The following HDGFL2 variants were observed in gnomAD, a reference collection of about 807,000 sequenced individuals.
HDGFL2 encodes the protein hepatoma-derived growth factor-related protein 2.
In HDGFL2, 36 loss-of-function variants were observed where a neutral mutation model predicts 77.1. The observed-to-expected ratio is 0.47, with a 90% CI of 0.36 to 0.62. HDGFL2 has a LOEUF of 0.62. Among genes scored for constraint, HDGFL2 ranks in the 20% least tolerant of loss-of-function variants. The pLI is 0.00. For synonymous variants in HDGFL2, 463 were observed against 413.1 expected (o/e 1.12, Z -1.46); for missense variants, 976 against 973.4 (o/e 1.00, Z -0.04).
intron 1 of HDGFL2, 158 bp from the exon 2 acceptor site, chr19:4,475,117 A>G (rs920327994): frequency 1.5e-6 from 1 of 650,280 alleles, no homozygotes; most frequent in Non-Finnish European, 2.7e-6. Context: ...TGAAGGGTAC[A>G]CAGAAGAATG....
chr19:4,474,350 G>T (rs540372392), intron 1 of HDGFL2, among the ~76,000 whole-genome samples: 78 of 152,296 alleles, frequency 5.1e-4, no homozygotes, highest in African/African-American at 1.9e-3. Context: ...GAGGCATGCC[G>T]GGCTGGTCCT....
At chr19:4,491,342 A>C (rs1423812864) in intron 4 of HDGFL2, among the ~76,000 whole-genome samples, 1 of 142,862 alleles carries the variant, frequency 7.0e-6, no homozygotes, top group Admixed American at 7.3e-5. Flanking sequence ...TGATGGCCCT[A>C]GGGACCTCCT....
At position 4,488,771 on chromosome 19, in the gene HDGFL2, C is replaced by T. The variant is rs763627595; in HGVS notation, c.384C>T (p.Val128=). The change falls in exon 4 of 16, where the codon GTC becomes GTT. Residue 128 remains valine, a synonymous_variant. Coordinates refer to ENST00000616600, the MANE Select transcript of HDGFL2 (RefSeq NM_001001520.3). ...ATGAGGACCGGGGGGTCATGGCCGT[C>T]ACAGCGGTAACCGCCACAGCTGCCA... ...EDDEDRGVMA[V]TAVTATAASD... The T allele has an allele frequency of 6.4e-7, 1 of 1,552,400 alleles. No individual in the cohort carries two copies. The highest frequency in any genetic ancestry group is 2.0e-5 in the Admixed American group (1 of 51,124).
intron 9 of HDGFL2, among the ~76,000 whole-genome samples, chr19:4,495,841 C>T (rs994818993): frequency 4.6e-5 from 7 of 152,148 alleles, no homozygotes; most frequent in Non-Finnish European, 8.8e-5. Context: ...GGCCCTGTCA[C>T]GCCCTCTACC....
At chr19:4,482,082 G>A (rs969459433) in intron 3 of HDGFL2, among the ~76,000 whole-genome samples, 2 of 139,608 alleles carry the variant, frequency 1.4e-5, no homozygotes, top group African/African-American at 2.7e-5. Context: ...GCCGAGGCTG[G>A]AGTGCAGTGG....
chr19:4,496,374 A>G lies in HDGFL2; in HGVS notation c.1297A>G (p.Arg433Gly). ...CAGGAAACCTGGCCAGAAGGAGAAG[A>G]GAGTGCGGCCCGAGGAGAAGCAACA... ...PARKPGQKEK[R>G]VRPEEKQQAK... The change falls in exon 10 of 16, where the codon AGA (arginine) becomes GGA (glycine). Residue 433 changes from arginine (R) to glycine (G), a missense_variant. Physicochemically the swap from Arg to Gly is moderately radical, Grantham distance 125. Coordinates refer to ENST00000616600, the MANE Select transcript of HDGFL2 (RefSeq NM_001001520.3). The G allele has an allele frequency of 1.9e-6, 3 of 1,614,016 alleles. No homozygotes were observed. In the Middle Eastern group the frequency reaches 5.0e-4, roughly 267 times the overall value.
intron 6 of HDGFL2, among the ~76,000 whole-genome samples, chr19:4,492,166 T>C (rs1975532560): frequency 6.6e-6 from 1 of 152,046 alleles, no homozygotes; most frequent in African/African-American, 2.4e-5. Context: ...TGTGCCAGTG[T>C]GTATATGAGC....
chr19:4,486,538 A>G (rs944839818), intron 3 of HDGFL2, among the ~76,000 whole-genome samples: 18 of 151,768 alleles, frequency 1.2e-4, no homozygotes, highest in African/African-American at 4.1e-4. Context: ...AAAAAAAAAA[A>G]AAGGAAAAAT....
Position 4,496,335 on chromosome 19 carries a change from A to T in HDGFL2, c.1258A>T (p.Ser420Cys). 6.2e-7 allele frequency: 1 copy of T among 1,614,148 alleles called. No homozygotes were observed. Among genetic ancestry groups the T allele is most frequent in the African/African-American group, 1.3e-5 (1 of 75,050 alleles). The change falls in exon 10 of 16, where the codon AGC (serine) becomes TGC (cysteine). Residue 420 changes from serine (S) to cysteine (C), a missense_variant. Physicochemically the swap from Ser to Cys is moderately radical, Grantham distance 112 (BLOSUM62 -1). Around this residue, in one of 5 missense-constraint regions of HDGFL2, gnomAD observed 567 missense variants for 534.7 expected, o/e 1.06. Coordinates refer to ENST00000616600, the MANE Select transcript of HDGFL2 (RefSeq NM_001001520.3). Reference sequence around the variant, plus strand: ...ATCAGCGAAGAAGCCGCAGTCCTCAAGCACAGAGCCCGCCAGGAAACCTGG... The same window carrying T: ...ATCAGCGAAGAAGCCGCAGTCCTCATGCACAGAGCCCGCCAGGAAACCTGG... The part of the protein sequence containing the change: ...KKSAKKPQSS[S>C]TEPARKPGQK...
At chr19:4,482,429 C>T (rs975296445) in intron 3 of HDGFL2, among the ~76,000 whole-genome samples, 3 of 152,012 alleles carry the variant, frequency 2.0e-5, no homozygotes, top group Non-Finnish European at 2.9e-5. Flanking sequence ...AGGCTGATCT[C>T]GAACTCCTGA....
chr19:4,493,258 G>A (rs1975594942), intron 6 of HDGFL2, among the ~76,000 whole-genome samples: 1 of 136,988 alleles, frequency 7.3e-6, no homozygotes, highest in African/African-American at 2.8e-5. Flanking sequence ...TGTTGTCTGT[G>A]TGTGTGTGTG....
At chr19:4,494,635 G>A (rs1005915108) in intron 9 of HDGFL2, among the ~76,000 whole-genome samples, 160 bp downstream of exon 9, 12 of 152,320 alleles carry the variant, frequency 7.9e-5, no homozygotes, top group South Asian at 4.1e-4. Flanking sequence ...ATGGGAGGGA[G>A]GGGGCCGGGC....
At chr19:4,496,591 C>T (rs1975708777) in intron 10 of HDGFL2, among the ~76,000 whole-genome samples, 186 bp downstream of exon 10, 1 of 152,128 alleles carries the variant, frequency 6.6e-6, no homozygotes, top group Non-Finnish European at 1.5e-5. Context: ...GGATCTTTGC[C>T]CAGCCCAGGG....
intron 3 of HDGFL2, among the ~76,000 whole-genome samples, chr19:4,487,756 G>C (rs1975399639): frequency 6.6e-6 from 1 of 152,124 alleles, no homozygotes; most frequent in South Asian, 2.1e-4. Flanking sequence ...CTCAGCAAAC[G>C]TTGGCTCAGT....
Position 4,475,592 on chromosome 19 carries a change from C to T in HDGFL2, c.288+9C>T. 1 of 1,566,148 alleles carries T rather than the reference C, an allele frequency of 6.4e-7. No individual in the cohort carries two copies. Among genetic ancestry groups the T allele is most frequent in the Non-Finnish European group, 8.6e-7 (1 of 1,162,900 alleles). On this transcript the variant is annotated intron_variant, in intron 3 of 15. Coordinates refer to ENST00000616600, the MANE Select transcript of HDGFL2 (RefSeq NM_001001520.3). ...GCTACAGCGCCCCTCCGGTGAGTAC[C>T]CGGGGTGGAGAGCCAGTGTGAAGCG...
intron 15 of HDGFL2, 176 bp downstream of exon 15, chr19:4,501,493 C>T (rs544645261): frequency 5.6e-5 from 38 of 677,458 alleles, no homozygotes; most frequent in East Asian, 3.4e-4. Context: ...CTGGCACTTC[C>T]GGCGGCCCCT....
At chr19:4,499,469 G>A in intron 13 of HDGFL2, 22 bp from the exon 14 acceptor site, 1 of 1,608,240 alleles carries the variant, frequency 6.2e-7, no homozygotes, top group Non-Finnish European at 8.5e-7. Context: ...GGGTGAGCCA[G>A]GCCTCTTCTC....
intron 13 of HDGFL2, 132 bp from the exon 14 acceptor site, chr19:4,499,357 AAG>A (rs1975793032): frequency 6.7e-6 from 5 of 743,926 alleles, no homozygotes; most frequent in Middle Eastern, 3.3e-4. Flanking sequence ...AAAAAAAAAA[AAG>A]AAATGCCTGC....
Position 4,483,787 on chromosome 19 carries a change from ATT to A in HDGFL2, c.289-4868_289-4867del, listed in dbSNP as rs5826851. 9.3e-3 allele frequency among the ~76,000 whole-genome samples: 932 copies of A among 100,522 alleles called. 6 individuals are homozygous for A. The highest frequency in any genetic ancestry group is 0.033 in the African/African-American group (806 of 24,412). 65.9% of individuals were successfully genotyped at this position (100,522 alleles called of 152,430 possible). ...GAGAATGGGACTTAATTGTTTCATG[ATT>A]TTTTTTTTTTTTTTTTTTTTGAGAC... On this transcript the variant is annotated intron_variant, in intron 3 of 15. Coordinates refer to ENST00000616600, the MANE Select transcript of HDGFL2 (RefSeq NM_001001520.3).
Sources: gnomAD v4.1 joint callset for allele counts (sites outside exome capture counted in the v4.1 genomes callset) on GRCh38, gnomAD v4.1.1 for gene constraint, gnomAD v4.1.1 regional missense constraint, MANE v1.5 for transcripts, NCBI Gene and HGNC (gene_info 2026-07-23, HGNC 2026-07-21) for gene names.